SLC16A7: variants seen among roughly 807,000 people sequenced by gnomAD.
SLC16A7 encodes the protein monocarboxylate transporter 2.
A neutral mutation model predicts 34.9 loss-of-function variants in SLC16A7; 33 were observed. That is an observed-to-expected ratio of 0.94 (90% confidence interval 0.72 to 1.26). SLC16A7 has a LOEUF of 1.26. Among genes scored for constraint, SLC16A7 ranks in the 50% most tolerant of loss-of-function variants. SLC16A7 has a pLI of 0.00. For missense variants in SLC16A7, 573 were observed against 578.1 expected (o/e 0.99, Z 0.09); for synonymous variants, 201 against 206.6 (o/e 0.97, Z 0.23).
intron 2 of SLC16A7, among the ~76,000 whole-genome samples, chr12:59,689,663 A>C (rs1210891144): frequency 6.6e-5 from 10 of 151,934 alleles, no homozygotes; most frequent in Non-Finnish European, 1.3e-4. Context: ...TTGGCCATGT[A>C]ATCTTCCTAG....
intron 1 of SLC16A7, among the ~76,000 whole-genome samples, chr12:59,649,280 G>A (rs1868301422): frequency 6.6e-6 from 1 of 152,134 alleles, no homozygotes; most frequent in African/African-American, 2.4e-5. Flanking sequence ...GTGGTAGGGT[G>A]GAGAGCATGA....
At chr12:59,710,515 C>A (rs1221303214) in intron 3 of SLC16A7, among the ~76,000 whole-genome samples, 1 of 152,158 alleles carries the variant, frequency 6.6e-6, no homozygotes, top group Non-Finnish European at 1.5e-5. Flanking sequence ...ACTTTCCCTA[C>A]AGAGGGCTGA....
At chr12:59,616,528 A>G (rs183871231) in intron 1 of SLC16A7, among the ~76,000 whole-genome samples, 172 of 152,280 alleles carry the variant, frequency 1.1e-3, no homozygotes, top group African/African-American at 4.0e-3. Flanking sequence ...CAAAAAAGAA[A>G]TATGTGCAGT....
At chr12:59,768,103 A>G (rs1317612338) in intron 3 of SLC16A7, 3 of 449,116 alleles carry the variant, frequency 6.7e-6, no homozygotes, top group Admixed American at 2.4e-5. Context: ...AAAAAAATTT[A>G]AATACATTTT....
At chr12:59,670,422 C>A (rs1045950035) in intron 2 of SLC16A7, among the ~76,000 whole-genome samples, 2 of 152,138 alleles carry the variant, frequency 1.3e-5, no homozygotes, top group African/African-American at 4.8e-5. Context: ...CCACCCCCCC[C>A]ACCAAATTTA....
intron 3 of SLC16A7, among the ~76,000 whole-genome samples, chr12:59,720,738 C>G (rs1875480470): frequency 6.6e-6 from 1 of 152,046 alleles, no homozygotes; most frequent in Non-Finnish European, 1.5e-5. Flanking sequence ...ATAACTTACT[C>G]CTCAATCACC....
chr12:59,727,151 CAT>C (rs61274058), intron 3 of SLC16A7, among the ~76,000 whole-genome samples: 14,768 of 141,834 alleles, frequency 0.1, 880 homozygotes, highest in East Asian at 0.18. Context: ...ATGAGATGGA[CAT>C]ATATATATAT....
intron 2 of SLC16A7, among the ~76,000 whole-genome samples, chr12:59,656,214 T>G (rs190663606): frequency 3.9e-5 from 6 of 152,126 alleles, no homozygotes; most frequent in Admixed American, 3.9e-4. Flanking sequence ...ATCTATGTAG[T>G]AAACAGAATA....
At chr12:59,742,860 T>G (rs1878491654) in intron 3 of SLC16A7, among the ~76,000 whole-genome samples, 1 of 152,234 alleles carries the variant, frequency 6.6e-6, no homozygotes, top group Admixed American at 6.5e-5. Context: ...CATGCACAGT[T>G]AATTTTCTTC....
In SLC16A7 at chr12:59,615,914, T is replaced by C. The variant is rs557798263; in HGVS notation, c.-130+19678T>C. Among the ~76,000 whole-genome samples, 11 of 152,322 alleles carry C rather than the reference T, an allele frequency of 7.2e-5. No homozygotes were observed. In the South Asian group the frequency reaches 2.1e-3, roughly 29 times the overall value. ...TCTTGCACCCTGGCCTGGTTCCTGCTCCATCACTTGACTCTGTTGGATCTT... is the reference window on the plus strand; with the variant it reads ...TCTTGCACCCTGGCCTGGTTCCTGCCCCATCACTTGACTCTGTTGGATCTT... On this transcript the variant is annotated intron_variant, in intron 1 of 5. Transcript: ENST00000547379.
intron 2 of SLC16A7, among the ~76,000 whole-genome samples, chr12:59,693,863 G>GA (rs1009244181): frequency 8.6e-5 from 13 of 151,362 alleles, no homozygotes; most frequent in Non-Finnish European, 1.3e-4. Flanking sequence ...AAGCCCTAAT[G>GA]AAAAAAAATA....
At chr12:59,715,117 A>G (rs959062148) in intron 3 of SLC16A7, among the ~76,000 whole-genome samples, 15 of 152,142 alleles carry the variant, frequency 9.9e-5, no homozygotes, top group Non-Finnish European at 2.1e-4. Flanking sequence ...GAATGTGTTA[A>G]AATACAGGTG....
intron 3 of SLC16A7, among the ~76,000 whole-genome samples, chr12:59,750,581 G>T (rs1000845903): frequency 8.5e-5 from 13 of 152,206 alleles, no homozygotes; most frequent in Non-Finnish European, 1.6e-4. Flanking sequence ...AGAGGATGTG[G>T]AGAAATAGGA....
intron 1 of SLC16A7, among the ~76,000 whole-genome samples, chr12:59,615,019 A>AAAATAAATAAAT (rs559302692): frequency 6.6e-6 from 1 of 150,740 alleles, no homozygotes; most frequent in South Asian, 2.1e-4. Flanking sequence ...TAAATAAATA[A>AAAATAAATAAAT]AAATAAATAA....
At chr12:59,681,930 G>A (rs1870779475) in intron 2 of SLC16A7, among the ~76,000 whole-genome samples, 2 of 151,452 alleles carry the variant, frequency 1.3e-5, no homozygotes, top group African/African-American at 4.9e-5. Context: ...GCCAATTAGA[G>A]TCCTGAGACC....
chr12:59,731,348 G>A (rs1461608185), intron 3 of SLC16A7, among the ~76,000 whole-genome samples: 1 of 152,150 alleles, frequency 6.6e-6, no homozygotes, highest in Non-Finnish European at 1.5e-5. Flanking sequence ...CAATTTATCA[G>A]TTAGAGAAGG....
chr12:59,736,044 G>T, intron 3 of SLC16A7: 1 of 405,884 alleles, frequency 2.5e-6, no homozygotes, highest in South Asian at 2.5e-5. Context: ...TAAGAACTCA[G>T]GGATATAGTT....
intron 3 of SLC16A7, among the ~76,000 whole-genome samples, chr12:59,737,251 T>C (rs1233483092): frequency 1.3e-5 from 2 of 152,184 alleles, no homozygotes; most frequent in African/African-American, 2.4e-5. Flanking sequence ...AAAGCCTAGA[T>C]AATAATAATA....
intron 1 of SLC16A7, among the ~76,000 whole-genome samples, chr12:59,622,667 T>C (rs1406742904): frequency 1.3e-5 from 2 of 151,750 alleles, no homozygotes; most frequent in East Asian, 1.9e-4. Context: ...TCATAAAGAT[T>C]CTATCCTAAA....
Sources: gnomAD v4.1 joint callset for allele counts (sites outside exome capture counted in the v4.1 genomes callset) on GRCh38, gnomAD v4.1.1 for gene constraint, MANE v1.5 for transcripts, NCBI Gene and HGNC (gene_info 2026-07-23, HGNC 2026-07-21) for gene names.